The following SYN3 variants were observed in gnomAD, a reference collection of about 807,000 sequenced individuals.
The protein encoded by SYN3 is synapsin-3.
In SYN3, 35 loss-of-function variants were observed where a neutral mutation model predicts 65.8. The observed-to-expected ratio is 0.53, with a 90% CI of 0.41 to 0.70. SYN3 has a LOEUF of 0.70. Among genes scored for constraint, SYN3 ranks in the 30% least tolerant of loss-of-function variants. SYN3 has a pLI of 0.00. For missense variants in SYN3, 680 were observed against 749.0 expected (o/e 0.91, Z 1.08); for synonymous variants, 270 against 292.9 (o/e 0.92, Z 0.80).
At chr22:32,884,855 G>A (rs947775175) in intron 4 of SYN3, among the ~76,000 whole-genome samples, 5 of 152,176 alleles carry the variant, frequency 3.3e-5, no homozygotes, top group Middle Eastern at 3.4e-3. Flanking sequence ...CCAGCCTGGC[G>A]ACAGAGCGAG....
chr22:32,556,333 A>T (rs1710356328), intron 7 of SYN3, among the ~76,000 whole-genome samples: 1 of 152,178 alleles, frequency 6.6e-6, no homozygotes, highest in Admixed American at 6.5e-5. Flanking sequence ...ATTGGACACC[A>T]TTACCCTCAT....
At chr22:32,673,089 CA>C (rs1276661679) in intron 6 of SYN3, among the ~76,000 whole-genome samples, 1 of 152,168 alleles carries the variant, frequency 6.6e-6, no homozygotes, top group Non-Finnish European at 1.5e-5. Context: ...GAGAAAAACA[CA>C]AAACAATAAC....
At position 32,833,416 on chromosome 22, in the gene SYN3, G is replaced by T. The variant is rs12106567; in HGVS notation, c.711+31499C>A. ...AGCCACAGGGAAGCAGTCCAAAGGAGAATTTTTTTATAGTCAAAAAAAATG... is the reference window on the plus strand; with the variant it reads ...AGCCACAGGGAAGCAGTCCAAAGGATAATTTTTTTATAGTCAAAAAAAATG... On this transcript the variant is annotated intron_variant, in intron 6 of 13. Coordinates refer to ENST00000358763, the MANE Select transcript of SYN3 (RefSeq NM_003490.4). 4.4e-3 allele frequency among the ~76,000 whole-genome samples: 666 copies of T among 152,314 alleles called. 5 individuals are homozygous for T. Among genetic ancestry groups the T allele is most frequent in the African/African-American group, 0.015 (611 of 41,570 alleles).
At chr22:33,015,231 A>AG in intron 1 of SYN3, 1 of 428,270 alleles carries the variant, frequency 2.3e-6, no homozygotes, top group Non-Finnish European at 3.6e-6. Flanking sequence ...AAAAAAAAAA[A>AG]AAAAAAAAAA....
At chr22:32,516,199 ATTAT>A (rs1285626861) in intron 13 of SYN3, among the ~76,000 whole-genome samples, 2 of 137,248 alleles carry the variant, frequency 1.5e-5, no homozygotes, top group Non-Finnish European at 3.2e-5. Flanking sequence ...GAACAATTTT[ATTAT>A]TTATTTATGC....
chr22:32,761,181 T>C (rs9606991), intron 6 of SYN3, among the ~76,000 whole-genome samples: 23,051 of 152,096 alleles, frequency 0.15, 2,222 homozygotes, highest in East Asian at 0.35. Flanking sequence ...TTAACCTTGC[T>C]GCAAAGGTGC....
At chr22:32,851,510 G>A (rs1432911679) in intron 6 of SYN3, among the ~76,000 whole-genome samples, 2 of 152,076 alleles carry the variant, frequency 1.3e-5, no homozygotes, top group East Asian at 3.9e-4. Flanking sequence ...GGGCTTAGAA[G>A]ACACACTCCC....
chr22:32,729,638 T>A (rs1303245414), intron 6 of SYN3, among the ~76,000 whole-genome samples: 1 of 152,256 alleles, frequency 6.6e-6, no homozygotes, highest in Admixed American at 6.5e-5. Context: ...GTTACCCCCA[T>A]AATGACATCA....
At chr22:32,557,155 T>C (rs2146332173) in intron 7 of SYN3, among the ~76,000 whole-genome samples, 1 of 152,304 alleles carries the variant, frequency 6.6e-6, no homozygotes, top group Non-Finnish European at 1.5e-5. Context: ...AAAATGTTGC[T>C]CAAACGGTGT....
rs955322234 is a variant in SYN3 at position 32,513,021 on chromosome 22, A to G, written c.*671T>C. 1.3e-5 allele frequency: 2 copies of G among 152,076 alleles called. No individual in the cohort carries two copies. The highest frequency in any genetic ancestry group is 2.9e-5 in the Non-Finnish European group (2 of 68,022). The allele number at this position is 152,076 out of a possible 1,614,324, so 9.4% of individuals were successfully genotyped here. A position where few individuals can be genotyped will look rare whatever the true frequency, so the allele number is the denominator to read the frequency against. On this transcript the variant is annotated 3_prime_UTR_variant, in exon 14 of 14. Coordinates refer to ENST00000358763, the MANE Select transcript of SYN3 (RefSeq NM_003490.4). ...TGCTCTGAGTATGAGTGGCATTACA[A>G]GGGCCCCCCTGTTTCTGTCGTGTTC...
At chr22:32,671,862 C>G (rs2060375968) in intron 6 of SYN3, among the ~76,000 whole-genome samples, 1 of 152,132 alleles carries the variant, frequency 6.6e-6, no homozygotes, top group Non-Finnish European at 1.5e-5. Context: ...CACACACGCT[C>G]TCACACAGGT....
chr22:32,531,431 G>T (rs183171955), intron 10 of SYN3, among the ~76,000 whole-genome samples: 82 of 152,212 alleles, frequency 5.4e-4, no homozygotes, highest in Non-Finnish European at 2.9e-5. Flanking sequence ...AACAGCCACC[G>T]CAAGGAACCT....
At chr22:32,689,224 G>C (rs1054165667) in intron 6 of SYN3, among the ~76,000 whole-genome samples, 10 of 152,180 alleles carry the variant, frequency 6.6e-5, no homozygotes, top group African/African-American at 2.4e-4. Flanking sequence ...AGCAGTCTAT[G>C]CCCTCGCTGC....
intron 3 of SYN3, among the ~76,000 whole-genome samples, chr22:32,945,505 T>C (rs576220297): frequency 0.012 from 1,891 of 152,322 alleles, 42 homozygotes; most frequent in African/African-American, 0.043. Flanking sequence ...AAGCTGAAAC[T>C]GGATCCCTTC....
chr22:32,867,707 C>T (rs530675962), intron 5 of SYN3, among the ~76,000 whole-genome samples: 82 of 152,260 alleles, frequency 5.4e-4, no homozygotes, highest in Admixed American at 2.0e-3. Context: ...CTCAGACTCC[C>T]GAGTAGCTGG....
At chr22:32,943,130 A>T (rs1433889899) in intron 3 of SYN3, among the ~76,000 whole-genome samples, 1 of 152,206 alleles carries the variant, frequency 6.6e-6, no homozygotes, top group Admixed American at 6.5e-5. Flanking sequence ...GAGCAACTCC[A>T]AGACACATAA....
intron 7 of SYN3, among the ~76,000 whole-genome samples, chr22:32,553,118 C>T (rs914613407): frequency 6.6e-5 from 10 of 152,164 alleles, no homozygotes; most frequent in Non-Finnish European, 8.8e-5. Context: ...GCCCCACCAT[C>T]GTGACCTCAT....
At chr22:32,770,850 G>A (rs199643203) in intron 6 of SYN3, among the ~76,000 whole-genome samples, 1 of 149,190 alleles carries the variant, frequency 6.7e-6, no homozygotes, top group East Asian at 2.0e-4. Context: ...AGAGTGCCTG[G>A]CACATATGTG....
At chr22:32,770,236 A>T (rs2045732604) in intron 6 of SYN3, among the ~76,000 whole-genome samples, 1 of 152,118 alleles carries the variant, frequency 6.6e-6, no homozygotes, top group Non-Finnish European at 1.5e-5. Flanking sequence ...TCCAAGGCAA[A>T]TTCACCTCCA....
Sources: allele counts gnomAD v4.1 joint callset (sites outside exome capture counted in the v4.1 genomes callset), GRCh38; gene constraint gnomAD v4.1.1; transcripts MANE v1.5; gene names NCBI Gene and HGNC (gene_info 2026-07-23, HGNC 2026-07-21).